TNRC6A: variants seen among roughly 807,000 people sequenced by gnomAD.
TNRC6A encodes the protein trinucleotide repeat containing adaptor 6A.
In TNRC6A, 44 loss-of-function variants were observed where a neutral mutation model predicts 221.2. The ratio of observed to expected loss-of-function variants is 0.20; its 90% CI spans 0.16 to 0.26. The LOEUF (loss-of-function observed/expected upper bound fraction) is 0.26. Among genes scored for constraint, TNRC6A ranks in the 10% least tolerant of loss-of-function variants. The pLI, the probability that TNRC6A is intolerant of heterozygous loss-of-function variation, is 1.00. For synonymous variants in TNRC6A, 847 were observed against 838.5 expected, an observed-to-expected ratio of 1.01 and a Z score of -0.18; for missense variants, 2,199 against 2,404.4, an observed-to-expected ratio of 0.91 and a Z score of 1.79.
rs150615790 is a variant in TNRC6A, at chr16:24,696,977, C to T, written n.403-53749C>T. Reference sequence around the variant, plus strand: ...ACTGATAGCATTAAAATGCTTACACCAGCTAGATAGGAAAGATGAGTTCTG... The same window carrying T: ...ACTGATAGCATTAAAATGCTTACACTAGCTAGATAGGAAAGATGAGTTCTG... On this transcript the variant is annotated intron_variant and non_coding_transcript_variant, in intron 2 of 2. Coordinates refer to the TNRC6A transcript ENST00000566108. 6.9e-3 allele frequency among the ~76,000 whole-genome samples: 1,047 copies of T among 152,104 alleles called. 2 individuals are homozygous for T. Among genetic ancestry groups the T allele is most frequent in the Non-Finnish European group, 0.011 (765 of 68,004 alleles).
upstream of TNRC6A, among the ~76,000 whole-genome samples, chr16:24,725,767 C>T (rs1478526413): frequency 8.6e-5 from 13 of 151,706 alleles, 1 homozygote; most frequent in Non-Finnish European, 5.9e-5. Context: ...TTTGGTAGGC[C>T]GAGGCGGGTG....
intron 21 of TNRC6A, chr16:24,819,732 C>CCGTA: frequency 5.1e-6 from 1 of 196,212 alleles, no homozygotes; most frequent in Non-Finnish European, 1.0e-5. Context: ...TGAGTTGGGG[C>CCGTA]TCTTTTGCAG....
chr16:24,795,530 T>G (rs1236384508), intron 8 of TNRC6A: 1 of 197,874 alleles, frequency 5.1e-6, no homozygotes, highest in African/African-American at 2.3e-5. Flanking sequence ...TGATTACCTT[T>G]TGAGGGACCT....
intron 2 of TNRC6A, among the ~76,000 whole-genome samples, chr16:24,703,172 C>T (rs1431671258): frequency 1.3e-5 from 2 of 152,024 alleles, no homozygotes; most frequent in African/African-American, 2.4e-5. Context: ...CTAAAAAACC[C>T]ACATTCTTTA....
intron 2 of TNRC6A, among the ~76,000 whole-genome samples, chr16:24,701,404 C>T (rs908344316): frequency 6.6e-6 from 1 of 150,448 alleles, no homozygotes; most frequent in Non-Finnish European, 1.5e-5. Flanking sequence ...CTCGCTCTGT[C>T]GCCCAGGCTG....
At chr16:24,672,092 G>T (rs1258227089) in intron 2 of TNRC6A, among the ~76,000 whole-genome samples, 3 of 152,108 alleles carry the variant, frequency 2.0e-5, no homozygotes, top group African/African-American at 2.4e-5. Flanking sequence ...AGTTGTGTTT[G>T]TGTAGGAAAG....
At chr16:24,714,872 T>A (rs2056282574) in intron 2 of TNRC6A, among the ~76,000 whole-genome samples, 1 of 145,870 alleles carries the variant, frequency 6.9e-6, no homozygotes, top group Non-Finnish European at 1.5e-5. Context: ...TACATTGTAG[T>A]TTTTTTGTTT....
intron 2 of TNRC6A, among the ~76,000 whole-genome samples, chr16:24,698,674 C>G (rs1280339554): frequency 6.6e-6 from 1 of 152,148 alleles, no homozygotes; most frequent in Non-Finnish European, 1.5e-5. Context: ...AGAGCCTGTG[C>G]TCCCTTCCTT....
intron 18 of TNRC6A, among the ~76,000 whole-genome samples, chr16:24,812,539 G>T (rs1302072180): frequency 2.6e-5 from 4 of 152,158 alleles, no homozygotes; most frequent in Non-Finnish European, 1.5e-5. Flanking sequence ...GGTCCATTGA[G>T]CTTATAATAC....
At chr16:24,822,452 T>A (rs1424688314) in intron 23 of TNRC6A, among the ~76,000 whole-genome samples, 1 of 152,114 alleles carries the variant, frequency 6.6e-6, no homozygotes, top group Non-Finnish European at 1.5e-5. Context: ...TTGACACAGG[T>A]GGTCCTTGTT....
At position 24,645,834 on chromosome 16, in the gene TNRC6A, C is replaced by CAAAAAAAAAAAAAAAAAAAAAAAAAAAA. The variant is rs36106864; in HGVS notation, n.402+4831_402+4858dup. ...GAAACATGACAAGACCCTGTATCTACAAAAAAAAAAAAAAAAAAAAAAAAA... is the reference window on the plus strand; with the variant it reads ...GAAACATGACAAGACCCTGTATCTACAAAAAAAAAAAAAAAAAAAAAAAAAAAAAAAAAAAAAAAAAAAAAAAAAAAAA... On this transcript the variant is annotated intron_variant and non_coding_transcript_variant, in intron 2 of 2. Coordinates refer to the TNRC6A transcript ENST00000566108. Among the ~76,000 whole-genome samples the CAAAAAAAAAAAAAAAAAAAAAAAAAAAA allele has an allele frequency of 4.1e-4, 11 of 26,642 alleles. 3 individuals carry two copies. The highest frequency in any genetic ancestry group is 6.2e-4 in the African/African-American group (5 of 8,104). 17.5% of individuals were successfully genotyped at this position (26,642 alleles called of 152,430 possible).
At chr16:24,632,631 C>G (rs1281683512) in intron 1 of TNRC6A, among the ~76,000 whole-genome samples, 1 of 152,120 alleles carries the variant, frequency 6.6e-6, no homozygotes, top group East Asian at 1.9e-4. Flanking sequence ...ATCTTACAGC[C>G]ACCCCCAGAG....
At chr16:24,675,087 A>G (rs2055381264) in intron 2 of TNRC6A, among the ~76,000 whole-genome samples, 1 of 152,158 alleles carries the variant, frequency 6.6e-6, no homozygotes. Context: ...TCAAGGTCGC[A>G]GTCAGCTATG....
At chr16:24,809,625 A>AT in intron 18 of TNRC6A, 144 bp downstream of exon 18, 1 of 1,047,524 alleles carries the variant, frequency 9.5e-7, no homozygotes, top group African/African-American at 1.6e-5. Flanking sequence ...AGTTGTTATT[A>AT]AGTCTTAGTT....
At chr16:24,722,620 G>A (rs2056429547) in intron 2 of TNRC6A, among the ~76,000 whole-genome samples, 1 of 151,960 alleles carries the variant, frequency 6.6e-6, no homozygotes, top group South Asian at 2.1e-4. Flanking sequence ...TTTTAGTGGA[G>A]ACAGGGTCTC....
chr16:24,799,382 A>G (rs16974058), intron 11 of TNRC6A, among the ~76,000 whole-genome samples: 3,652 of 152,260 alleles, frequency 0.024, 163 homozygotes, highest in African/African-American at 0.084. Flanking sequence ...GTCCGGTACA[A>G]TGGCAACGCA....
chr16:24,696,481 A>C (rs1285991313), intron 2 of TNRC6A, among the ~76,000 whole-genome samples: 2 of 151,898 alleles, frequency 1.3e-5, no homozygotes. Context: ...CTGTAATCCT[A>C]GTACACTGGG....
chr16:24,819,732 C>CCGTATCATTAAAAAA, intron 21 of TNRC6A: 25 of 196,170 alleles, frequency 1.3e-4, no homozygotes, highest in South Asian at 3.7e-4. Flanking sequence ...TGAGTTGGGG[C>CCGTATCATTAAAAAA]TCTTTTGCAG....
chr16:24,676,703 G>A (rs747554254), intron 2 of TNRC6A, among the ~76,000 whole-genome samples: 23 of 151,894 alleles, frequency 1.5e-4, no homozygotes, highest in Non-Finnish European at 3.1e-4. Context: ...ATCCACCCCC[G>A]TCAGCCTCCC....
Sources: gnomAD v4.1 joint callset for allele counts (sites outside exome capture counted in the v4.1 genomes callset) on GRCh38, gnomAD v4.1.1 for gene constraint, MANE v1.5 for transcripts, NCBI Gene and HGNC (gene_info 2026-07-23, HGNC 2026-07-21) for gene names.